Variants in LPAR3 observed in about 807,000 individuals in gnomAD.
LPAR3 encodes lysophosphatidic acid receptor 3, also known as LPA receptor 3.
Under a neutral mutation model 17.8 loss-of-function variants are expected in LPAR3, and 7 were observed. That is an observed-to-expected ratio of 0.39 (90% CI 0.22 to 0.74). The LOEUF is 0.74. Ranked by LOEUF, LPAR3 falls within the 30% of genes least tolerant of loss-of-function variation. The pLI is 0.40. For synonymous variants in LPAR3, 179 were observed against 179.9 expected (o/e 0.99, Z 0.04); for missense variants, 391 against 453.4 (o/e 0.86, Z 1.25).
chr1:84,825,031 G>T (rs1659129461), intron 2 of LPAR3, among the ~76,000 whole-genome samples: 1 of 152,212 alleles, frequency 6.6e-6, no homozygotes, highest in Admixed American at 6.5e-5. Flanking sequence ...GTTTTAAAAG[G>T]CCATTCTATT....
At chr1:84,872,797 C>T (rs1212219720) in intron 1 of LPAR3, among the ~76,000 whole-genome samples, 6 of 152,206 alleles carry the variant, frequency 3.9e-5, no homozygotes, top group Admixed American at 1.3e-4. Flanking sequence ...CAGTTAGTGA[C>T]GTCTCAGCAG....
rs2102741855 is a variant in LPAR3, at chr1:84,813,614, C to T, written c.*232G>A. On this transcript the variant is annotated 3_prime_UTR_variant, in exon 3 of 3. Coordinates refer to ENST00000370611, the MANE Select transcript of LPAR3 (RefSeq NM_012152.3). ...CAGGAGCTCTGAGCAGTTCATAGGA[C>T]AAGCAGGGACCCGCCGAACCTCTCC... 4.0e-6 allele frequency: 2 copies of T among 494,946 alleles called. No homozygotes were observed. Among genetic ancestry groups the T allele is most frequent in the South Asian group, 2.7e-5 (1 of 37,544 alleles). The allele number at this position is 494,946 out of a possible 1,614,324, so 30.7% of individuals were successfully genotyped here.
intron 2 of LPAR3, among the ~76,000 whole-genome samples, chr1:84,827,202 T>C (rs894032609): frequency 6.6e-6 from 1 of 152,232 alleles, no homozygotes; most frequent in African/African-American, 2.4e-5. Flanking sequence ...ATTTGTTCTA[T>C]TAGTTGTATA....
At chr1:84,831,493 T>C (rs1659281947) in intron 2 of LPAR3, among the ~76,000 whole-genome samples, 1 of 151,836 alleles carries the variant, frequency 6.6e-6, no homozygotes, top group Non-Finnish European at 1.5e-5. Context: ...TCTTAAAACA[T>C]ATAACTACCC....
chr1:84,887,375 TA>T (rs200331450), intron 1 of LPAR3, among the ~76,000 whole-genome samples: 4,060 of 137,802 alleles, frequency 0.029, 108 homozygotes, highest in African/African-American at 0.08. Flanking sequence ...GACCTTGTCT[TA>T]AAAAAAAAAA....
chr1:84,879,142 T>C (rs964583281), intron 1 of LPAR3, among the ~76,000 whole-genome samples: 2 of 152,152 alleles, frequency 1.3e-5, no homozygotes, highest in Non-Finnish European at 2.9e-5. Flanking sequence ...TAAAAAGTCA[T>C]GCAATGGGTG....
intron 2 of LPAR3, among the ~76,000 whole-genome samples, chr1:84,858,206 G>T (rs1441962003): frequency 6.6e-6 from 1 of 152,096 alleles, no homozygotes; most frequent in East Asian, 1.9e-4. Flanking sequence ...CAAGGGCCGG[G>T]CATGGTGGTT....
intron 1 of LPAR3, among the ~76,000 whole-genome samples, chr1:84,879,828 G>A (rs569087207): frequency 6.6e-6 from 1 of 152,136 alleles, no homozygotes; most frequent in Non-Finnish European, 1.5e-5. Flanking sequence ...TTCCCTACCT[G>A]TAAGTTGGAA....
rs943622740 is a variant in LPAR3 at position 84,813,702 on chromosome 1, GA to G, written c.*143del. 2.1e-5 allele frequency: 14 copies of G among 679,474 alleles called. No individual in the cohort carries two copies. The highest frequency in any genetic ancestry group is 1.5e-4 in the Admixed American group (5 of 33,942). 42.1% of individuals were successfully genotyped at this position (679,474 alleles called of 1,614,324 possible). A position where few individuals can be genotyped will look rare whatever the true frequency, so the allele number is the denominator to read the frequency against. ...TTTACTGCCCATGCTTTTAAACTAT[GA>G]AAAAAAATTTTTTAAAGAAATCTAG... On this transcript the variant is annotated 3_prime_UTR_variant, in exon 3 of 3. Coordinates refer to ENST00000370611, the MANE Select transcript of LPAR3 (RefSeq NM_012152.3).
At chr1:84,814,212 A>G in intron 2 of LPAR3, 41 bp from the exon 3 acceptor site, 1 of 1,538,302 alleles carries the variant, frequency 6.5e-7, no homozygotes, top group Non-Finnish European at 8.9e-7. Flanking sequence ...CTCAGACCTT[A>G]GGGGACTTAT....
Position 84,818,673 on chromosome 1 carries a change from C to T in LPAR3, c.737-4502G>A, listed in dbSNP as rs972013613. Among the ~76,000 whole-genome samples the T allele has an allele frequency of 5.3e-5, 8 of 152,182 alleles. No individual in the cohort carries two copies. In the East Asian group the frequency reaches 1.5e-3, roughly 29 times the overall value. ...TTAAAGAAACTTCAAAGAACACTAT[C>T]GTATCTTTAGAGCTTCCTGGGTGCC... On this transcript the variant is annotated intron_variant, in intron 2 of 2. Transcript: ENST00000370611.
chr1:84,844,483 C>T (rs1659561952), intron 2 of LPAR3, among the ~76,000 whole-genome samples: 1 of 152,164 alleles, frequency 6.6e-6, no homozygotes, highest in Non-Finnish European at 1.5e-5. Context: ...TTTAAACATG[C>T]ATTTTCCTGA....
chr1:84,879,662 G>A (rs1042498368), intron 1 of LPAR3, among the ~76,000 whole-genome samples: 6 of 152,094 alleles, frequency 3.9e-5, no homozygotes, highest in Non-Finnish European at 8.8e-5. Context: ...GCACCAGGAC[G>A]CCCAACTGTA....
rs1314905691 is a variant in LPAR3 at position 84,813,634 on chromosome 1, C to T, written c.*212G>A. 1.9e-6 allele frequency: 1 copy of T among 536,204 alleles called. No individual in the cohort carries two copies. Among genetic ancestry groups the T allele is most frequent in the East Asian group, 3.1e-5 (1 of 32,364 alleles). The allele number at this position is 536,204 out of a possible 1,614,324, so 33.2% of individuals were successfully genotyped here. A position where few individuals can be genotyped will look rare whatever the true frequency, so the allele number is the denominator to read the frequency against. On this transcript the variant is annotated 3_prime_UTR_variant, in exon 3 of 3. Coordinates refer to ENST00000370611, the MANE Select transcript of LPAR3 (RefSeq NM_012152.3). Reference sequence around the variant, plus strand: ...TAGGACAAGCAGGGACCCGCCGAACCTCTCCCGTTTCTGTGCTTTCTCTAA... The same window carrying T: ...TAGGACAAGCAGGGACCCGCCGAACTTCTCCCGTTTCTGTGCTTTCTCTAA...
chr1:84,825,005 C>A (rs1206624444), intron 2 of LPAR3, among the ~76,000 whole-genome samples: 1 of 152,180 alleles, frequency 6.6e-6, no homozygotes, highest in Non-Finnish European at 1.5e-5. Flanking sequence ...AGTTCAGATC[C>A]TGGACTAGAG....
At chr1:84,886,929 A>T (rs1005529511) in intron 1 of LPAR3, among the ~76,000 whole-genome samples, 11 of 152,234 alleles carry the variant, frequency 7.2e-5, no homozygotes, top group South Asian at 2.1e-4. Flanking sequence ...CATTAAAATA[A>T]AAAACAATCG....
At chr1:84,830,415 T>C (rs1266094198) in intron 2 of LPAR3, among the ~76,000 whole-genome samples, 1 of 152,156 alleles carries the variant, frequency 6.6e-6, no homozygotes, top group East Asian at 1.9e-4. Context: ...CCACTGTTAA[T>C]GCCTGGTGAC....
At chr1:84,830,222 C>T (rs561540100) in intron 2 of LPAR3, among the ~76,000 whole-genome samples, 29 of 152,296 alleles carry the variant, frequency 1.9e-4, no homozygotes, top group Admixed American at 3.9e-4. Context: ...TGTAACTGGA[C>T]TTGCCAAGTA....
At chr1:84,835,286 T>C (rs563585586) in intron 2 of LPAR3, among the ~76,000 whole-genome samples, 1 of 152,358 alleles carries the variant, frequency 6.6e-6, no homozygotes, top group East Asian at 1.9e-4. Flanking sequence ...TTGATTAACG[T>C]GCCTGCAACT....
Sources: gnomAD v4.1 joint callset for allele counts (sites outside exome capture counted in the v4.1 genomes callset) on GRCh38, gnomAD v4.1.1 for gene constraint, MANE v1.5 for transcripts, NCBI Gene and HGNC (gene_info 2026-07-23, HGNC 2026-07-21) for gene names.